Variants in GULP1 observed in about 807,000 individuals in gnomAD.
GULP1 encodes the protein GULP PTB domain containing engulfment adaptor 1.
In GULP1, 19 loss-of-function variants were observed where a neutral mutation model predicts 40.9. That is an observed-to-expected ratio of 0.46 (90% confidence interval 0.32 to 0.68). The LOEUF (loss-of-function observed/expected upper bound fraction) is 0.68, where lower values mean the gene tolerates loss of function less well. GULP1 is among the 30% of genes least tolerant of loss of function. The pLI, the probability that GULP1 is intolerant of heterozygous loss-of-function variation, is 0.03. For synonymous variants in GULP1, 119 were observed against 117.6 expected (o/e 1.01, Z -0.08); for missense variants, 312 against 362.2 (o/e 0.86, Z 1.12).
intron 7 of GULP1, among the ~76,000 whole-genome samples, chr2:188,569,024 G>A (rs561164474): frequency 5.9e-5 from 9 of 152,030 alleles, no homozygotes; most frequent in Admixed American, 2.0e-4. Flanking sequence ...CCCCAAGTCC[G>A]CTTGTTTTTT....
chr2:188,505,886 A>C (rs1394048900), intron 4 of GULP1, among the ~76,000 whole-genome samples: 2 of 151,906 alleles, frequency 1.3e-5, no homozygotes, highest in African/African-American at 4.8e-5. Context: ...TAGTCACTGA[A>C]CAAACATGCC....
intron 2 of GULP1, among the ~76,000 whole-genome samples, chr2:188,459,036 A>C (rs925367469): frequency 1.3e-5 from 2 of 152,098 alleles, no homozygotes; most frequent in African/African-American, 4.8e-5. Context: ...CATTCTTTTT[A>C]CAGCTGAATA....
At chr2:188,376,688 A>C (rs1369063624) in intron 1 of GULP1, among the ~76,000 whole-genome samples, 2 of 152,246 alleles carry the variant, frequency 1.3e-5, no homozygotes, top group Admixed American at 1.3e-4. Flanking sequence ...AAAGGGATAA[A>C]ATTTGCCAAA....
intron 1 of GULP1, among the ~76,000 whole-genome samples, chr2:188,352,741 T>A (rs1233238125): frequency 6.6e-6 from 1 of 152,012 alleles, no homozygotes; most frequent in Non-Finnish European, 1.5e-5. Context: ...AGATTTCAAT[T>A]TGAATACATA....
At chr2:188,516,984 A>G (rs970770200) in intron 4 of GULP1, among the ~76,000 whole-genome samples, 4 of 152,168 alleles carry the variant, frequency 2.6e-5, no homozygotes, top group African/African-American at 7.2e-5. Context: ...ACACAGTCAC[A>G]TACTCTGACT....
rs1171730131 is a variant in GULP1, at chr2:188,342,756, A to AT, written c.-171-41006dup. Among the ~76,000 whole-genome samples, 4 of 152,114 alleles carry AT rather than the reference A, an allele frequency of 2.6e-5. 1 individual carries two copies. The East Asian group carries it at 7.7e-4, about 29-fold the overall frequency. ...TATCCTCCAAAGATTTTAGACTTAA[A>AT]TCTCATTTTCGTTTTGCTACTTCTC... On this transcript the variant is annotated intron_variant, in intron 1 of 11. Transcript: ENST00000409830.
At chr2:188,482,118 C>A (rs896634811) in intron 3 of GULP1, among the ~76,000 whole-genome samples, 1 of 151,808 alleles carries the variant, frequency 6.6e-6, no homozygotes, top group Admixed American at 6.6e-5. Context: ...GAAATAGACC[C>A]AATTCTCTTG....
chr2:188,369,262 TA>T (rs1172471698), intron 1 of GULP1, among the ~76,000 whole-genome samples: 1 of 151,430 alleles, frequency 6.6e-6, no homozygotes, highest in Middle Eastern at 3.4e-3. Context: ...TGCCTGGCTG[TA>T]AAAAAAATAT....
At chr2:188,305,384 G>A (rs1346834190) in intron 1 of GULP1, among the ~76,000 whole-genome samples, 1 of 152,176 alleles carries the variant, frequency 6.6e-6, no homozygotes, top group East Asian at 1.9e-4. Flanking sequence ...GTGTAGAAAT[G>A]TGATTGGACA....
chr2:188,516,827 T>C (rs1367988996), intron 4 of GULP1, among the ~76,000 whole-genome samples: 1 of 152,206 alleles, frequency 6.6e-6, no homozygotes, highest in African/African-American at 2.4e-5. Context: ...CGTATCTTAT[T>C]TTAAATATCT....
intron 1 of GULP1, among the ~76,000 whole-genome samples, chr2:188,319,574 A>G (rs1418251115): frequency 1.3e-5 from 2 of 152,146 alleles, no homozygotes; most frequent in Non-Finnish European, 2.9e-5. Flanking sequence ...TCTCATAGGA[A>G]TGGGAAACAT....
chr2:188,527,350 T>C (rs1013757634), intron 5 of GULP1, among the ~76,000 whole-genome samples: 24 of 152,196 alleles, frequency 1.6e-4, no homozygotes, highest in Non-Finnish European at 3.4e-4. Flanking sequence ...AGAATGCTTC[T>C]GCAGCTGATA....
chr2:188,392,641 T>G (rs1041672914), intron 2 of GULP1, among the ~76,000 whole-genome samples: 1 of 152,050 alleles, frequency 6.6e-6, no homozygotes, highest in Non-Finnish European at 1.5e-5. Flanking sequence ...AGTTTTGAGT[T>G]TGGTTTGTTC....
intron 1 of GULP1, among the ~76,000 whole-genome samples, chr2:188,304,673 G>A (rs935486229): frequency 2.0e-5 from 3 of 152,098 alleles, no homozygotes; most frequent in African/African-American, 4.8e-5. Flanking sequence ...GCAGATGCTC[G>A]ATTCCTTCTT....
chr2:188,495,053 T>G (rs1236452122), intron 4 of GULP1, among the ~76,000 whole-genome samples: 2 of 152,100 alleles, frequency 1.3e-5, no homozygotes, highest in Admixed American at 6.6e-5. Context: ...TGTAAATTGC[T>G]TATTTAGTTG....
At chr2:188,489,524 TAATA>T (rs1462230045) in intron 4 of GULP1, among the ~76,000 whole-genome samples, 3 of 152,046 alleles carry the variant, frequency 2.0e-5, no homozygotes, top group African/African-American at 7.2e-5. Flanking sequence ...TTAATAATGC[TAATA>T]TATATCATTT....
In GULP1 at chr2:188,595,873, A is replaced by G. The variant is rs2153480797; in HGVS notation, c.*1862A>G. On this transcript the variant is annotated 3_prime_UTR_variant, in exon 12 of 12. Transcript: ENST00000409830. ...AGATCTGGTTGAAAATTGTATTTCTATGTAAACTCAACGATATGTTTGGTT... is the reference window on the plus strand; with the variant it reads ...AGATCTGGTTGAAAATTGTATTTCTGTGTAAACTCAACGATATGTTTGGTT... 1 of 152,380 alleles carries G rather than the reference A, an allele frequency of 6.6e-6. No individual in the cohort carries two copies. Among genetic ancestry groups the G allele is most frequent in the African/African-American group, 2.4e-5 (1 of 41,546 alleles). 9.4% of individuals were successfully genotyped at this position (152,380 alleles called of 1,614,324 possible).
intron 1 of GULP1, among the ~76,000 whole-genome samples, chr2:188,314,465 A>G (rs2038743228): frequency 6.6e-6 from 1 of 151,930 alleles, no homozygotes; most frequent in Non-Finnish European, 1.5e-5. Flanking sequence ...ATACTCAACA[A>G]CCTCTCTCCT....
intron 1 of GULP1, among the ~76,000 whole-genome samples, chr2:188,327,202 C>T (rs565577800): frequency 2.6e-5 from 4 of 152,134 alleles, no homozygotes; most frequent in African/African-American, 9.7e-5. Flanking sequence ...AAGATGCCTA[C>T]TGTACAGAAC....
Sources: gnomAD v4.1 joint callset for allele counts (sites outside exome capture counted in the v4.1 genomes callset) on GRCh38, gnomAD v4.1.1 for gene constraint, MANE v1.5 for transcripts, NCBI Gene and HGNC (gene_info 2026-07-23, HGNC 2026-07-21) for gene names.